The following CUX1 variants were observed in gnomAD, a reference collection of about 807,000 sequenced individuals.
CUX1 encodes the protein cut like homeobox 1.
In CUX1, 31 loss-of-function variants were observed where a neutral mutation model predicts 158.8. The observed-to-expected ratio is 0.20, with a 90% CI of 0.15 to 0.26. The LOEUF is 0.26. CUX1 is among the 10% of genes least tolerant of loss of function. The pLI is 1.00. For missense variants in CUX1, 1,589 were observed against 2,014.6 expected (o/e 0.79, Z 4.04); for synonymous variants, 879 against 862.1 (o/e 1.02, Z -0.34).
rs373066714 is a variant in CUX1, at chr7:102,201,317, G to T, written c.2063-43G>T. On this transcript the variant is annotated intron_variant, in intron 17 of 23. Coordinates refer to ENST00000292535, the MANE Select transcript of CUX1 (RefSeq NM_181552.4). This position sits in a 1 kb window ranked among gnomAD's most constrained non-coding sequence, Gnocchi z 5.0. Reference sequence around the variant, plus strand: ...GATGAGAAGCATGTCCCCAGCTGAAGGGGGCCGCCCTGCCACACTCTCACC... The same window carrying T: ...GATGAGAAGCATGTCCCCAGCTGAATGGGGCCGCCCTGCCACACTCTCACC... The T allele has an allele frequency of 7.6e-6, 12 of 1,586,706 alleles. No homozygotes were observed. The highest frequency in any genetic ancestry group is 1.7e-4 in the Middle Eastern group (1 of 5,924).
At chr7:102,072,285 T>C (rs1279865197) in intron 4 of CUX1, among the ~76,000 whole-genome samples, 2 of 152,192 alleles carry the variant, frequency 1.3e-5, no homozygotes, top group East Asian at 1.9e-4. Context: ...GTTCACCCCA[T>C]GTAAATGAAG....
chr7:102,007,703 CT>C (rs1817544362), intron 2 of CUX1, among the ~76,000 whole-genome samples: 1 of 151,412 alleles, frequency 6.6e-6, no homozygotes. Flanking sequence ...CTCCTCCCCC[CT>C]CCCTCGCCAC....
At chr7:102,172,787 C>T (rs894964930) in intron 10 of CUX1, among the ~76,000 whole-genome samples, 1 of 152,162 alleles carries the variant, frequency 6.6e-6, no homozygotes, top group African/African-American at 2.4e-5. Flanking sequence ...TGTTGCTGGG[C>T]GCAGTGGCTC....
chr7:102,089,103 C>A (rs1828265639), intron 4 of CUX1, among the ~76,000 whole-genome samples: 1 of 151,878 alleles, frequency 6.6e-6, no homozygotes, highest in African/African-American at 2.4e-5. Flanking sequence ...CTTTTTCTTT[C>A]ACTGTGTCTA....
chr7:102,241,300 A>AAC (rs1800182224), intron 23 of CUX1, among the ~76,000 whole-genome samples: 1 of 152,108 alleles, frequency 6.6e-6, no homozygotes, highest in Non-Finnish European at 1.5e-5. Context: ...TGCTGCTAGA[A>AAC]ACCAAGAATT....
intron 2 of CUX1, among the ~76,000 whole-genome samples, chr7:101,974,589 T>C (rs1437580399): frequency 6.6e-6 from 1 of 152,126 alleles, no homozygotes; most frequent in Non-Finnish European, 1.5e-5. Flanking sequence ...AATCTAAATA[T>C]AGATGTAGAT....
chr7:101,851,593 A>G (rs1393583919), intron 1 of CUX1, among the ~76,000 whole-genome samples: 1 of 152,148 alleles, frequency 6.6e-6, no homozygotes, highest in African/African-American at 2.4e-5. Context: ...AATGGGAAAG[A>G]TTTGGCTCCC....
intron 1 of CUX1, among the ~76,000 whole-genome samples, chr7:101,853,361 T>G (rs2131288063): frequency 6.6e-6 from 1 of 152,350 alleles, no homozygotes; most frequent in Admixed American, 6.5e-5. Flanking sequence ...CTTGAGTTAC[T>G]GCAACATTAT....
At chr7:102,068,137 G>A (rs1320730245) in intron 3 of CUX1, among the ~76,000 whole-genome samples, 1 of 151,890 alleles carries the variant, frequency 6.6e-6, no homozygotes, top group African/African-American at 2.4e-5. Flanking sequence ...TGTTGCCCAG[G>A]CTGGAGTGCA....
intron 1 of CUX1, among the ~76,000 whole-genome samples, chr7:101,905,051 C>G (rs1182105960): frequency 6.6e-6 from 1 of 152,180 alleles, no homozygotes; most frequent in African/African-American, 2.4e-5. Context: ...CATTAAATCA[C>G]TTGCCTGGAT....
chr7:101,983,689 A>T (rs1157368275), intron 2 of CUX1, among the ~76,000 whole-genome samples: 1 of 152,084 alleles, frequency 6.6e-6, no homozygotes. Context: ...GGGGAGAGAG[A>T]GAGTGAGAAG....
At chr7:102,189,562 T>G (rs1794056879) in intron 11 of CUX1, among the ~76,000 whole-genome samples, 1 of 152,044 alleles carries the variant, frequency 6.6e-6, no homozygotes, top group African/African-American at 2.4e-5. Flanking sequence ...CACCCTTCAT[T>G]CTGCTTTTGC....
At chr7:101,827,982 T>G (rs556645572) in intron 1 of CUX1, among the ~76,000 whole-genome samples, 4 of 149,434 alleles carry the variant, frequency 2.7e-5, no homozygotes, top group East Asian at 1.9e-4. Context: ...TGTTTTTTTT[T>G]TTTTTTTTTT....
chr7:102,195,548 C>T lies in CUX1; in HGVS notation c.1167C>T (p.Asn389=), dbSNP rs782333943. 6 of 1,613,198 alleles carry T rather than the reference C, an allele frequency of 3.7e-6. No homozygotes were observed. The African/African-American group carries it at 4.0e-5, about 11-fold the overall frequency. The change falls in exon 14 of 24, where the codon AAC becomes AAT. Residue 389 remains asparagine, a synonymous_variant. Transcript: ENST00000292535. ...TGGAGGTGCTGTTGCTGGAGAAGAA[C>T]CGCTCGCTGCAGTCCGAGAACGCCG... ...KPLEVLLLEK[N]RSLQSENAAL... is the part of the protein sequence containing the mutation.
intron 8 of CUX1, among the ~76,000 whole-genome samples, chr7:102,140,787 C>G (rs1203592986): frequency 6.6e-6 from 1 of 151,778 alleles, no homozygotes; most frequent in African/African-American, 2.4e-5. Flanking sequence ...ATCTCTTGAA[C>G]CCAGGAGGCA....
In CUX1 at chr7:102,234,257, C is replaced by A; in HGVS notation, c.3622+17C>A. 2 of 1,504,508 alleles carry A rather than the reference C, an allele frequency of 1.3e-6. No individual in the cohort carries two copies. The highest frequency in any genetic ancestry group is 1.8e-6 in the Non-Finnish European group (2 of 1,123,414). The allele number at this position is 1,504,508 out of a possible 1,614,324, so 93.2% of individuals were successfully genotyped here. ...AGAAGAAAGGTAAGTCTCCCTGCCCCGCCCGGGCCGGCTGCGTCCGCATTC... is the reference window on the plus strand; with the variant it reads ...AGAAGAAAGGTAAGTCTCCCTGCCCAGCCCGGGCCGGCTGCGTCCGCATTC... On this transcript the variant is annotated intron_variant, in intron 22 of 23. Coordinates refer to ENST00000292535, the MANE Select transcript of CUX1 (RefSeq NM_181552.4).
At chr7:101,849,511 C>G (rs1796054087) in intron 1 of CUX1, among the ~76,000 whole-genome samples, 1 of 152,122 alleles carries the variant, frequency 6.6e-6, no homozygotes, top group Non-Finnish European at 1.5e-5. Flanking sequence ...GACGTGACCT[C>G]TTTCTTTTTT....
downstream of CUX1, among the ~76,000 whole-genome samples, chr7:102,262,395 C>CATGGATGGATGGATGGATGGATGGATG (rs1790462130): frequency 2.1e-5 from 3 of 143,178 alleles, no homozygotes; most frequent in African/African-American, 7.8e-5. Context: ...AAGACTCCAT[C>CATGGATGGATGGATGGATGGATGGATG]ATGGATGGAT....
At chr7:101,883,257 A>G (rs1799897590) in intron 1 of CUX1, among the ~76,000 whole-genome samples, 1 of 152,218 alleles carries the variant, frequency 6.6e-6, no homozygotes, top group Admixed American at 6.5e-5. Flanking sequence ...TTCGTCACAC[A>G]GTCCGAATGT....
Sources: allele counts gnomAD v4.1 joint callset (sites outside exome capture counted in the v4.1 genomes callset), GRCh38; gene constraint gnomAD v4.1.1; non-coding constraint Gnocchi (gnomAD v3.1); transcripts MANE v1.5; gene names NCBI Gene and HGNC (gene_info 2026-07-23, HGNC 2026-07-21).